UBE3C: variants seen among roughly 807,000 people sequenced by gnomAD.
UBE3C encodes ubiquitin protein ligase E3C.
A neutral mutation model predicts 129.4 loss-of-function variants in UBE3C; 42 were observed. The observed-to-expected ratio is 0.32, with a 90% CI of 0.25 to 0.42. UBE3C has a LOEUF of 0.42. Among genes scored for constraint, UBE3C ranks in the 10% least tolerant of loss-of-function variants. UBE3C has a pLI of 1.00. For synonymous variants in UBE3C, 510 were observed against 492.4 expected (o/e 1.04, Z -0.47); for missense variants, 1,049 against 1,319.1 (o/e 0.80, Z 3.17).
chr7:157,143,198 A>C (rs568354651), intron 1 of UBE3C, among the ~76,000 whole-genome samples: 1 of 151,970 alleles, frequency 6.6e-6, no homozygotes, highest in Non-Finnish European at 1.5e-5. Context: ...ACTGATTTCT[A>C]TCTTTAAATA....
At chr7:157,255,225 C>T (rs756772781) in intron 21 of UBE3C, among the ~76,000 whole-genome samples, 6 of 152,062 alleles carry the variant, frequency 3.9e-5, no homozygotes, top group Admixed American at 6.6e-5. Flanking sequence ...CACACAATAA[C>T]GATGTTCAGC....
chr7:157,182,589 C>T (rs543856883), intron 8 of UBE3C, among the ~76,000 whole-genome samples: 1 of 152,182 alleles, frequency 6.6e-6, no homozygotes, highest in Non-Finnish European at 1.5e-5. Context: ...TGGGAAAGCT[C>T]TTCTGTGAGT....
intron 13 of UBE3C, among the ~76,000 whole-genome samples, chr7:157,208,797 AAAAAG>A (rs1283482412): frequency 2.0e-5 from 3 of 152,342 alleles, no homozygotes; most frequent in Non-Finnish European, 2.9e-5. Flanking sequence ...TGGGATGGAA[AAAAAG>A]AAAAGGAAAA....
At chr7:157,238,091 T>G (rs1796199344) in intron 18 of UBE3C, among the ~76,000 whole-genome samples, 1 of 152,158 alleles carries the variant, frequency 6.6e-6, no homozygotes, top group Non-Finnish European at 1.5e-5. Flanking sequence ...TTTTAAACAT[T>G]TAAATATTCA....
chr7:157,141,268 T>C (rs946049215), intron 1 of UBE3C, among the ~76,000 whole-genome samples: 6 of 152,154 alleles, frequency 3.9e-5, no homozygotes, highest in African/African-American at 1.4e-4. Context: ...TTTTTGCATA[T>C]GGACACTCTC....
At chr7:157,171,507 T>G in intron 4 of UBE3C, among the ~76,000 whole-genome samples, 1 of 151,654 alleles carries the variant, frequency 6.6e-6, no homozygotes, top group African/African-American at 2.4e-5. Flanking sequence ...ATCTTATCAG[T>G]GCTGAGGAAC....
intron 4 of UBE3C, among the ~76,000 whole-genome samples, chr7:157,172,180 T>C (rs753076153): frequency 6.6e-6 from 1 of 151,764 alleles, no homozygotes; most frequent in Non-Finnish European, 1.5e-5. Context: ...TACAAGCTTA[T>C]GCCACCACCC....
intron 22 of UBE3C, 97 bp downstream of exon 22, chr7:157,257,141 CTTTTG>C: frequency 6.7e-7 from 1 of 1,489,666 alleles, no homozygotes; most frequent in East Asian, 2.3e-5. Context: ...TTTACATACA[CTTTTG>C]TTTTTATCTT....
chr7:157,253,286 G>A (rs1796663890), intron 19 of UBE3C, among the ~76,000 whole-genome samples: 1 of 152,234 alleles, frequency 6.6e-6, no homozygotes, highest in Non-Finnish European at 1.5e-5. Context: ...ACCCAGGTCT[G>A]TGTTTCCGCT....
chr7:157,193,274 A>T (rs1311767566), intron 10 of UBE3C, among the ~76,000 whole-genome samples: 8 of 125,104 alleles, frequency 6.4e-5, no homozygotes, highest in Non-Finnish European at 4.7e-5. Flanking sequence ...ATATTTTTTT[A>T]AAAAGAAAAA....
intron 10 of UBE3C, among the ~76,000 whole-genome samples, chr7:157,189,469 T>C (rs949276173): frequency 6.6e-6 from 1 of 152,222 alleles, no homozygotes; most frequent in African/African-American, 2.4e-5. Context: ...GAAAGTAGGC[T>C]ACCAAAGATA....
intron 1 of UBE3C, among the ~76,000 whole-genome samples, chr7:157,159,012 T>C (rs1264052469): frequency 6.6e-6 from 1 of 152,228 alleles, no homozygotes; most frequent in Non-Finnish European, 1.5e-5. Context: ...CCGTTATCAA[T>C]AGAGTGTGAA....
chr7:157,185,093 A>G (rs1274481241), intron 9 of UBE3C, among the ~76,000 whole-genome samples: 1 of 152,240 alleles, frequency 6.6e-6, no homozygotes, highest in Non-Finnish European at 1.5e-5. Flanking sequence ...GAAAGTTATT[A>G]AATAGTCACC....
intron 1 of UBE3C, among the ~76,000 whole-genome samples, chr7:157,158,905 T>C (rs1807991225): frequency 6.6e-6 from 1 of 152,238 alleles, no homozygotes; most frequent in Non-Finnish European, 1.5e-5. Flanking sequence ...TTTGGTCCAT[T>C]GTGCTCCAGC....
At chr7:157,175,377 G>A (rs1808491734) in intron 5 of UBE3C, among the ~76,000 whole-genome samples, 1 of 151,964 alleles carries the variant, frequency 6.6e-6, no homozygotes, top group African/African-American at 2.4e-5. Context: ...CATTCCATAG[G>A]GGTCTCCACC....
chr7:157,266,983 C>T (rs1797094989), intron 22 of UBE3C, among the ~76,000 whole-genome samples: 1 of 152,152 alleles, frequency 6.6e-6, no homozygotes, highest in African/African-American at 2.4e-5. Context: ...CTCAAGCCAT[C>T]CCCCAGCTAG....
chr7:157,211,519 G>A (rs1158012666), intron 13 of UBE3C, among the ~76,000 whole-genome samples: 1 of 152,098 alleles, frequency 6.6e-6, no homozygotes, highest in African/African-American at 2.4e-5. Flanking sequence ...ACCCGTTTGT[G>A]CCAGAGGTTG....
At chr7:157,250,736 G>A (rs573885273) in intron 19 of UBE3C, among the ~76,000 whole-genome samples, 5 of 152,224 alleles carry the variant, frequency 3.3e-5, no homozygotes, top group South Asian at 4.1e-4. Flanking sequence ...TTGGCGGGGG[G>A]GCTGTTACTG....
intron 11 of UBE3C, among the ~76,000 whole-genome samples, chr7:157,203,702 A>G (rs547066577): frequency 1.3e-5 from 2 of 152,220 alleles, no homozygotes; most frequent in African/African-American, 2.4e-5. Flanking sequence ...AGTTTTACAA[A>G]TCTTATTAAA....
Sources: allele counts gnomAD v4.1 joint callset (sites outside exome capture counted in the v4.1 genomes callset), GRCh38; gene constraint gnomAD v4.1.1; transcripts MANE v1.5; gene names NCBI Gene and HGNC (gene_info 2026-07-23, HGNC 2026-07-21).